The following SLC35B4 variants were observed in gnomAD, a reference collection of about 807,000 sequenced individuals.
SLC35B4 encodes the protein solute carrier family 35 member B4, also known as nucleotide sugar transporter SLC35B4.
Under a neutral mutation model 39.5 loss-of-function variants are expected in SLC35B4, and 28 were observed. The observed-to-expected ratio is 0.71, with a 90% confidence interval of 0.53 to 0.97. SLC35B4 has a LOEUF of 0.97. SLC35B4 is among the 50% of genes least tolerant of loss of function. SLC35B4 has a pLI of 0.00. For synonymous variants in SLC35B4, 145 were observed against 150.4 expected, an observed-to-expected ratio of 0.96 and a Z score of 0.26; for missense variants, 334 against 414.3, an observed-to-expected ratio of 0.81 and a Z score of 1.68.
chr7:134,297,414 C>A (rs1284911734), intron 8 of SLC35B4, among the ~76,000 whole-genome samples: 1 of 152,120 alleles, frequency 6.6e-6, no homozygotes, highest in Admixed American at 6.5e-5. Context: ...GAAAAAGGTT[C>A]TGCACTCATT....
upstream of SLC35B4, among the ~76,000 whole-genome samples, chr7:134,317,796 T>C (rs1210326480): frequency 6.7e-6 from 1 of 148,650 alleles, no homozygotes; most frequent in Non-Finnish European, 1.5e-5. Context: ...GTACATAAGC[T>C]AGTGCGGCAC....
chr7:134,317,744 C>A (rs1804023474), upstream of SLC35B4, among the ~76,000 whole-genome samples: 1 of 149,074 alleles, frequency 6.7e-6, no homozygotes, highest in Admixed American at 6.6e-5. Flanking sequence ...CGACTTGACT[C>A]TTACTTACTC....
In SLC35B4 at chr7:134,294,904, T is replaced by C; in HGVS notation, c.925A>G (p.Met309Val). The C allele has an allele frequency of 6.2e-7, 1 of 1,614,114 alleles. No homozygotes were observed. Among genetic ancestry groups the C allele is most frequent in the Non-Finnish European group, 8.5e-7 (1 of 1,180,034 alleles). The part of the protein sequence containing the change: ...GTLFVFIGTL[M>V]YTEVWNNLGT... ...AGGTTGTTCCACACCTCTGTGTACA[T>C]TAAGGTCCCAATGAAGACAAACAAG... The change falls in exon 10 of 10, where the codon ATG becomes GTG. Residue 309 changes from methionine (M) to valine (V), a missense_variant. Transcript: ENST00000378509.
In SLC35B4 at chr7:134,292,593, T is replaced by C. The variant is rs988418144; in HGVS notation, c.*2240A>G. 3 of 152,156 alleles carry C rather than the reference T, an allele frequency of 2.0e-5. No individual in the cohort carries two copies. Among genetic ancestry groups the C allele is most frequent in the African/African-American group, 7.2e-5 (3 of 41,422 alleles). 9.4% of individuals were successfully genotyped at this position (152,156 alleles called of 1,614,324 possible). A position where few individuals can be genotyped will look rare whatever the true frequency, so the allele number is the denominator to read the frequency against. The stretch of plus-strand genomic sequence containing the variant: ...TTTCATCAACATAAAATGGGTGACA[T>C]TATGTATGTGAGGCTGCATCCTATT... On this transcript the variant is annotated 3_prime_UTR_variant, in exon 10 of 10. Transcript: ENST00000378509.
intron 9 of SLC35B4, among the ~76,000 whole-genome samples, chr7:134,295,341 C>CA (rs1031802064): frequency 2.0e-5 from 3 of 152,004 alleles, no homozygotes; most frequent in Admixed American, 6.6e-5. Context: ...CAATGACAGG[C>CA]ACCTCCAAGA....
At chr7:134,305,048 G>A (rs929882893) in intron 3 of SLC35B4, among the ~76,000 whole-genome samples, 194 bp from the exon 4 acceptor site, 2 of 152,160 alleles carry the variant, frequency 1.3e-5, no homozygotes, top group Non-Finnish European at 2.9e-5. Flanking sequence ...ATGGCCGGGC[G>A]CGGTGGCTCA....
In SLC35B4 at chr7:134,295,099, G is replaced by A; in HGVS notation, c.750-20C>T. On this transcript the variant is annotated intron_variant, in intron 9 of 9. Coordinates refer to ENST00000378509, the MANE Select transcript of SLC35B4 (RefSeq NM_032826.5). ...ACGTACCTGGAGGAGTGGAGTCAAG[G>A]TAGTTTTCTGTAGACTGTACTTGGG... is the stretch of plus-strand genomic sequence containing the variant. 6.2e-7 allele frequency: 1 copy of A among 1,611,904 alleles called. No individual in the cohort carries two copies. Among genetic ancestry groups the A allele is most frequent in the Non-Finnish European group, 8.5e-7 (1 of 1,179,060 alleles).
chr7:134,296,334 C>T (rs1803464703), intron 9 of SLC35B4, 57 bp downstream of exon 9: 1 of 1,419,828 alleles, frequency 7.0e-7, no homozygotes, highest in South Asian at 1.2e-5. Context: ...AATGACCATT[C>T]CTGTGCCAAA....
intron 8 of SLC35B4, among the ~76,000 whole-genome samples, chr7:134,297,977 T>G (rs1803503840): frequency 6.6e-6 from 1 of 152,214 alleles, no homozygotes; most frequent in African/African-American, 2.4e-5. Flanking sequence ...TGAAAGAGAA[T>G]ACAGACATAG....
At chr7:134,302,728 C>T (rs752876854) in intron 4 of SLC35B4, among the ~76,000 whole-genome samples, 1 of 152,050 alleles carries the variant, frequency 6.6e-6, no homozygotes, top group Non-Finnish European at 1.5e-5. Context: ...ATCATTAGCA[C>T]CCTCTCAGAT....
At chr7:134,296,523 T>C in intron 8 of SLC35B4, 57 bp from the exon 9 acceptor site, 1 of 1,315,152 alleles carries the variant, frequency 7.6e-7, no homozygotes, top group South Asian at 1.2e-5. Context: ...GAATTTTTCA[T>C]CTTTTGAACA....
chr7:134,304,840 G>A lies in SLC35B4; in HGVS notation c.309C>T (p.Ala103=), dbSNP rs1349505464. Residue 103 remains alanine (A), a synonymous_variant, in exon 4 of 10, where the codon GCC becomes GCT. Coordinates refer to ENST00000378509, the MANE Select transcript of SLC35B4 (RefSeq NM_032826.5). ...HMIFRSGSLI[A]NMILGIIILK... is the part of the protein sequence containing the mutation. Reference sequence around the variant, plus strand: ...AAATGATAATTCCTAGAATCATGTTGGCAATTAGAGAACCCTGCAAAAGGA... The same window carrying A: ...AAATGATAATTCCTAGAATCATGTTAGCAATTAGAGAACCCTGCAAAAGGA... The A allele has an allele frequency of 6.2e-7, 1 of 1,612,488 alleles. No individual in the cohort carries two copies. The highest frequency in any genetic ancestry group is 8.5e-7 in the Non-Finnish European group (1 of 1,178,640).
chr7:134,307,154 TAAAG>T (rs917787632), intron 2 of SLC35B4, among the ~76,000 whole-genome samples: 1 of 152,174 alleles, frequency 6.6e-6, no homozygotes, highest in Non-Finnish European at 1.5e-5. Flanking sequence ...TCGCTGTTTC[TAAAG>T]AAAGTATTTG....
intron 8 of SLC35B4, among the ~76,000 whole-genome samples, chr7:134,296,671 A>G (rs969991095): frequency 6.6e-6 from 1 of 152,228 alleles, no homozygotes; most frequent in African/African-American, 2.4e-5. Context: ...CTTAAAACAA[A>G]TAATAGTTTT....
intron 8 of SLC35B4, among the ~76,000 whole-genome samples, chr7:134,298,354 T>C (rs771374931): frequency 6.6e-6 from 1 of 152,204 alleles, no homozygotes; most frequent in Admixed American, 6.5e-5. Context: ...TTGACAGATA[T>C]TTAGCTCTCT....
At chr7:134,316,294 G>C (rs956408601) in intron 1 of SLC35B4, among the ~76,000 whole-genome samples, 1 of 152,144 alleles carries the variant, frequency 6.6e-6, no homozygotes, top group African/African-American at 2.4e-5. Context: ...AAGAGAGAGT[G>C]GTTTGGTGAA....
At chr7:134,318,123 G>T (rs1157810528), upstream of SLC35B4, among the ~76,000 whole-genome samples, 1 of 152,188 alleles carries the variant, frequency 6.6e-6, no homozygotes, top group African/African-American at 2.4e-5. Context: ...GTCCGTGACT[G>T]GGAGATCACA....
upstream of SLC35B4, among the ~76,000 whole-genome samples, chr7:134,318,163 G>A (rs1209491652): frequency 6.6e-6 from 1 of 152,210 alleles, no homozygotes; most frequent in Non-Finnish European, 1.5e-5. Flanking sequence ...TCGTTATCGA[G>A]TGCAGATTAT....
chr7:134,296,075 C>T (rs530999767), intron 9 of SLC35B4, among the ~76,000 whole-genome samples: 95 of 152,022 alleles, frequency 6.2e-4, no homozygotes, highest in African/African-American at 2.2e-3. Flanking sequence ...GTGATCTGCC[C>T]GCCTCGGCCT....
Sources: allele counts gnomAD v4.1 joint callset (sites outside exome capture counted in the v4.1 genomes callset), GRCh38; gene constraint gnomAD v4.1.1; transcripts MANE v1.5; gene names NCBI Gene and HGNC (gene_info 2026-07-23, HGNC 2026-07-21).